SORBS2: variants seen among roughly 807,000 people sequenced by gnomAD.
SORBS2 encodes sorbin and SH3 domain-containing protein 2.
In SORBS2, 46 loss-of-function variants were observed where a neutral mutation model predicts 97.7. The observed-to-expected ratio is 0.47, with a 90% confidence interval of 0.37 to 0.60. The LOEUF is 0.60. Ranked by LOEUF, SORBS2 falls within the 20% of genes least tolerant of loss-of-function variation. SORBS2 has a pLI of 0.00. For synonymous variants in SORBS2, 476 were observed against 473.4 expected, an observed-to-expected ratio of 1.01 and a Z score of -0.07; for missense variants, 1,316 against 1,282.3, an observed-to-expected ratio of 1.03 and a Z score of -0.40.
chr4:185,782,204 A>G (rs2099034625), intron 1 of SORBS2, among the ~76,000 whole-genome samples: 1 of 152,254 alleles, frequency 6.6e-6, no homozygotes, highest in African/African-American at 2.4e-5. Flanking sequence ...AAAGCAAAAC[A>G]TTATGTATTC....
rs1200094039 is a variant in SORBS2, at chr4:185,694,706, C to CTTTTTTTTTTTTTTTT, written c.-197-15885_-197-15884insAAAAAAAAAAAAAAAA. The stretch of plus-strand genomic sequence containing the variant: ...TTTCTTTTTCTTTTTCCTTTTCTTT[C>CTTTTTTTTTTTTTTTT]TTTTCTTTTCTTTTTTTTGAGACGG... On this transcript the variant is annotated intron_variant, in intron 2 of 20. Transcript: ENST00000284776. Among the ~76,000 whole-genome samples the CTTTTTTTTTTTTTTTT allele has an allele frequency of 1.9e-3, 233 of 124,162 alleles. 12 individuals carry two copies. The highest frequency in any genetic ancestry group is 5.0e-3 in the African/African-American group (168 of 33,854). The allele number at this position is 124,162 out of a possible 152,430, so 81.5% of individuals were successfully genotyped here.
chr4:185,777,786 CA>C (rs34060946), intron 1 of SORBS2, among the ~76,000 whole-genome samples: 33 of 146,062 alleles, frequency 2.3e-4, no homozygotes, highest in South Asian at 4.4e-4. Flanking sequence ...GGTCTTTATA[CA>C]AAAAAAAAAG....
At chr4:185,923,075 G>A (rs566184875) in intron 1 of SORBS2, among the ~76,000 whole-genome samples, 1 of 152,278 alleles carries the variant, frequency 6.6e-6, no homozygotes, top group South Asian at 2.1e-4. Flanking sequence ...CTAAGTGTCA[G>A]TGAGGTTAAG....
At chr4:185,742,115 C>T (rs1210469749) in intron 2 of SORBS2, among the ~76,000 whole-genome samples, 3 of 152,186 alleles carry the variant, frequency 2.0e-5, no homozygotes, top group Non-Finnish European at 2.9e-5. Context: ...CTGATGAAGA[C>T]GATAATCTCT....
chr4:185,717,441 C>A (rs1026073185), intron 2 of SORBS2, among the ~76,000 whole-genome samples: 1 of 152,226 alleles, frequency 6.6e-6, no homozygotes, highest in African/African-American at 2.4e-5. Context: ...CCGACATCCT[C>A]CAATAGCGAT....
chr4:185,830,360 CATAGGTGCTGTG>C (rs2099204458), intron 1 of SORBS2, among the ~76,000 whole-genome samples: 1 of 152,222 alleles, frequency 6.6e-6, no homozygotes, highest in Non-Finnish European at 1.5e-5. Context: ...ACCCAGCACA[CATAGGTGCTGTG>C]AGGTGGGTCA....
intron 1 of SORBS2, among the ~76,000 whole-genome samples, chr4:185,891,706 T>A (rs1310840579): frequency 6.6e-6 from 1 of 152,208 alleles, no homozygotes; most frequent in Non-Finnish European, 1.5e-5. Context: ...AGAGATTGAT[T>A]TGAGCAATAA....
intron 4 of SORBS2, among the ~76,000 whole-genome samples, chr4:185,632,013 C>T (rs916795167): frequency 2.6e-5 from 4 of 152,134 alleles, no homozygotes; most frequent in Non-Finnish European, 5.9e-5. Context: ...TCTTAAGTTG[C>T]CATCATCTAG....
At chr4:185,673,760 C>T (rs1237017649) in intron 4 of SORBS2, among the ~76,000 whole-genome samples, 1 of 152,162 alleles carries the variant, frequency 6.6e-6, no homozygotes, top group Non-Finnish European at 1.5e-5. Flanking sequence ...CACTTTCTTC[C>T]CAGTCTCTCT....
intron 1 of SORBS2, among the ~76,000 whole-genome samples, chr4:185,897,361 A>C (rs996913239): frequency 1.3e-5 from 2 of 152,220 alleles, no homozygotes; most frequent in African/African-American, 2.4e-5. Context: ...CTGGACAGAC[A>C]GGCCTTGCTG....
chr4:185,868,147 C>CTTTTTTCTTTTTTTTTTTTTTTTTTT (rs1554043746), intron 1 of SORBS2, among the ~76,000 whole-genome samples: 4 of 89,766 alleles, frequency 4.5e-5, no homozygotes, highest in Non-Finnish European at 6.6e-5. Flanking sequence ...CTTTTCTTTT[C>CTTTTTTCTTTTTTTTTTTTTTTTTTT]TTTTTTTCTT....
chr4:185,929,531 T>G (rs894955381), intron 1 of SORBS2, among the ~76,000 whole-genome samples: 2 of 61,268 alleles, frequency 3.3e-5, no homozygotes, highest in African/African-American at 7.8e-5. Flanking sequence ...TTTTGTTGGG[T>G]TTTTTTTTTT....
chr4:185,625,600 A>G (rs999886401), intron 6 of SORBS2, among the ~76,000 whole-genome samples: 1 of 152,248 alleles, frequency 6.6e-6, no homozygotes, highest in Non-Finnish European at 1.5e-5. Context: ...TTTGGCTAGT[A>G]TCCAAGAATA....
At chr4:185,763,266 A>C (rs1024692348) in intron 2 of SORBS2, among the ~76,000 whole-genome samples, 25 of 152,182 alleles carry the variant, frequency 1.6e-4, no homozygotes, top group African/African-American at 6.0e-4. Context: ...GAAAAGCAGG[A>C]GATGACATTC....
intron 1 of SORBS2, among the ~76,000 whole-genome samples, chr4:185,935,235 T>C (rs187135126): frequency 8.9e-4 from 136 of 152,292 alleles, no homozygotes; most frequent in Non-Finnish European, 1.5e-3. Context: ...AGGGGTTCAA[T>C]CCCAAGTATC....
chr4:185,614,653 A>T, intron 11 of SORBS2, 178 bp downstream of exon 23: 1 of 685,546 alleles, frequency 1.5e-6, no homozygotes, highest in Non-Finnish European at 2.4e-6. Flanking sequence ...GGACACAGGG[A>T]CCAGCAGGGA....
chr4:185,823,240 T>C (rs7434879), intron 1 of SORBS2, among the ~76,000 whole-genome samples: 149,638 of 152,330 alleles, frequency 0.98, 73,554 homozygotes, highest in Middle Eastern at 1. Context: ...GGCATGTCTC[T>C]CAGGCATGTC....
intron 1 of SORBS2, among the ~76,000 whole-genome samples, chr4:185,950,956 T>TTTTC (rs2150027226): frequency 6.6e-6 from 1 of 152,246 alleles, no homozygotes; most frequent in Admixed American, 6.5e-5. Flanking sequence ...GTGCTGCTGG[T>TTTTC]AGGAAAAATA....
chr4:185,935,876 C>T (rs2099268683), intron 1 of SORBS2, among the ~76,000 whole-genome samples: 1 of 152,062 alleles, frequency 6.6e-6, no homozygotes, highest in African/African-American at 2.4e-5. Context: ...TTCTTTGTGA[C>T]ATGGTCTCAC....
Sources: gnomAD v4.1 joint callset for allele counts (sites outside exome capture counted in the v4.1 genomes callset) on GRCh38, gnomAD v4.1.1 for gene constraint, MANE v1.5 for transcripts, NCBI Gene and HGNC (gene_info 2026-07-23, HGNC 2026-07-21) for gene names.